RTF2: variants seen among roughly 807,000 people sequenced by gnomAD.
RTF2 encodes the protein replication termination factor 2.
In RTF2, 18 loss-of-function variants were observed where a neutral mutation model predicts 38.0. The ratio of observed to expected loss-of-function variants is 0.47; its 90% confidence interval spans 0.33 to 0.70. The LOEUF is 0.70. Ranked by LOEUF, RTF2 falls within the 30% of genes least tolerant of loss-of-function variation. RTF2 has a pLI of 0.02. For synonymous variants in RTF2, 126 were observed against 137.1 expected (o/e 0.92, Z 0.57); for missense variants, 311 against 379.6 (o/e 0.82, Z 1.50).
At chr20:56,490,716 C>T (rs1983071024) in intron 5 of RTF2, among the ~76,000 whole-genome samples, 1 of 152,174 alleles carries the variant, frequency 6.6e-6, no homozygotes, top group Non-Finnish European at 1.5e-5. Flanking sequence ...AGTCGGCAGG[C>T]TAAGGCAGGA....
chr20:56,491,844 C>G, intron 5 of RTF2: 2 of 1,282,916 alleles, frequency 1.6e-6, no homozygotes, highest in East Asian at 2.5e-5. Context: ...TATTCACACA[C>G]AGAAAGTGGC....
intron 3 of RTF2, among the ~76,000 whole-genome samples, chr20:56,476,009 GC>G (rs1157921281): frequency 2.0e-5 from 3 of 152,198 alleles, no homozygotes. Context: ...ATGGTGATTT[GC>G]CTTTCAAGAC....
chr20:56,518,126 C>T lies in RTF2; in HGVS notation c.782C>T (p.Pro261Leu), dbSNP rs149969696. 18 of 1,613,604 alleles carry T rather than the reference C, an allele frequency of 1.1e-5. No homozygotes were observed. The highest frequency in any genetic ancestry group is 4.0e-5 in the African/African-American group (3 of 74,872). Residue 261 changes from proline to leucine, a missense_variant, in exon 9 of 9, where the codon CCG (proline) becomes CTG (leucine). Coordinates refer to ENST00000357348, the MANE Select transcript of RTF2 (RefSeq NM_016407.5). ...TCTTCTGGAAAAGCTGGGAAGCCTC[C>T]GTGTGGAGCCACAAAGAGGTCCATC... ...ESSSGKAGKP[P>L]CGATKRSIAD...
chr20:56,497,457 T>G, intron 5 of RTF2: 1 of 1,526,870 alleles, frequency 6.5e-7, no homozygotes, highest in Non-Finnish European at 8.8e-7. Context: ...GGAACACAGT[T>G]CATCTGGGTA....
intron 5 of RTF2, chr20:56,497,582 A>G (rs1189333624): frequency 1.5e-6 from 2 of 1,341,560 alleles, no homozygotes; most frequent in Non-Finnish European, 2.0e-6. Context: ...CGACAAGTCC[A>G]GACTTTGTGG....
chr20:56,492,491 G>C (rs139410391), intron 5 of RTF2, among the ~76,000 whole-genome samples: 1 of 150,498 alleles, frequency 6.6e-6, no homozygotes, highest in African/African-American at 2.4e-5. Context: ...AGGCCGAGGC[G>C]GGAGAATGAC....
intron 5 of RTF2, among the ~76,000 whole-genome samples, chr20:56,489,315 C>T (rs1982968095): frequency 6.6e-6 from 1 of 151,814 alleles, no homozygotes; most frequent in African/African-American, 2.4e-5. Flanking sequence ...CCACCCGCCT[C>T]AGCCTTCCAA....
At chr20:56,498,995 CTG>C (rs564190113) in intron 5 of RTF2, among the ~76,000 whole-genome samples, 88 of 152,208 alleles carry the variant, frequency 5.8e-4, no homozygotes, top group Admixed American at 1.5e-3. Flanking sequence ...TTAACATTGA[CTG>C]TGGATTTTAA....
At chr20:56,474,061 A>G (rs1480658513) in intron 2 of RTF2, among the ~76,000 whole-genome samples, 3 of 152,092 alleles carry the variant, frequency 2.0e-5, no homozygotes, top group African/African-American at 2.4e-5. Flanking sequence ...GTGATTCCAC[A>G]CCTTCTGGTT....
At chr20:56,480,547 C>T (rs1982481655) in intron 4 of RTF2, among the ~76,000 whole-genome samples, 1 of 152,240 alleles carries the variant, frequency 6.6e-6, no homozygotes, top group African/African-American at 2.4e-5. Context: ...TTTGCATCCA[C>T]AGCCTGGCTA....
chr20:56,492,448 G>A lies in RTF2; in HGVS notation c.477+8259G>A, dbSNP rs1046965910. On this transcript the variant is annotated intron_variant, in intron 5 of 8. Transcript: ENST00000357348. ...GAGGTGGGAATTACAGGCCAGGCAC[G>A]GTGGCTCACACCTGTAATCCCAGCA... Among the ~76,000 whole-genome samples the A allele has an allele frequency of 4.0e-5, 6 of 149,292 alleles. 1 individual carries two copies. Among genetic ancestry groups the A allele is most frequent in the African/African-American group, 1.5e-4 (6 of 40,778 alleles).
chr20:56,499,669 A>C (rs1046131618), intron 5 of RTF2, among the ~76,000 whole-genome samples: 4 of 151,992 alleles, frequency 2.6e-5, no homozygotes, highest in Non-Finnish European at 5.9e-5. Flanking sequence ...AGTTTGTCAT[A>C]TCTTCCCCTG....
chr20:56,481,424 AGTT>A (rs1165833092), intron 4 of RTF2, among the ~76,000 whole-genome samples: 2 of 152,214 alleles, frequency 1.3e-5, no homozygotes, highest in African/African-American at 4.8e-5. Flanking sequence ...AGAGAAGTAC[AGTT>A]TAGGGTCCAA....
chr20:56,499,245 G>A (rs1013845912), intron 5 of RTF2, among the ~76,000 whole-genome samples: 4 of 143,908 alleles, frequency 2.8e-5, no homozygotes, highest in Non-Finnish European at 6.0e-5. Context: ...AACTCAGGCT[G>A]GAGTGCAATG....
chr20:56,518,361 C>G lies in RTF2; in HGVS notation c.*96C>G. On this transcript the variant is annotated 3_prime_UTR_variant, in exon 9 of 9. Transcript: ENST00000357348. ...CTGAGTGCGCTGCTGTGTGTTCTCTCTATAGTTCTGTGTCATAAAGCTGTC... is the reference window on the plus strand; with the variant it reads ...CTGAGTGCGCTGCTGTGTGTTCTCTGTATAGTTCTGTGTCATAAAGCTGTC... 1 of 1,251,876 alleles carries G rather than the reference C, an allele frequency of 8.0e-7. No homozygotes were observed. The highest frequency in any genetic ancestry group is 1.1e-6 in the Non-Finnish European group (1 of 895,544). The allele number at this position is 1,251,876 out of a possible 1,614,324, so 77.5% of individuals were successfully genotyped here.
chr20:56,498,420 A>G (rs1983700638), intron 5 of RTF2, among the ~76,000 whole-genome samples: 1 of 151,988 alleles, frequency 6.6e-6, no homozygotes, highest in Non-Finnish European at 1.5e-5. Flanking sequence ...AAACTTAAAA[A>G]TTAGCCACAT....
chr20:56,496,820 G>A (rs1467099102), intron 5 of RTF2: 1 of 1,551,890 alleles, frequency 6.4e-7, no homozygotes, highest in Non-Finnish European at 8.7e-7. Context: ...CTTTGAATCT[G>A]TTATTTGGAG....
chr20:56,475,251 G>A (rs1982177848), intron 3 of RTF2, among the ~76,000 whole-genome samples: 2 of 152,102 alleles, frequency 1.3e-5, no homozygotes, highest in South Asian at 4.1e-4. Flanking sequence ...TTTAAATATG[G>A]TCAGTGGGGA....
chr20:56,485,549 C>T (rs1982749109), intron 5 of RTF2, among the ~76,000 whole-genome samples: 1 of 152,104 alleles, frequency 6.6e-6, no homozygotes, highest in African/African-American at 2.4e-5. Context: ...CTGGGTGGCT[C>T]CCGTTACCTA....
Sources: gnomAD v4.1 joint callset for allele counts (sites outside exome capture counted in the v4.1 genomes callset) on GRCh38, gnomAD v4.1.1 for gene constraint, MANE v1.5 for transcripts, NCBI Gene and HGNC (gene_info 2026-07-23, HGNC 2026-07-21) for gene names.